The following AOPEP variants were observed in gnomAD, a reference collection of about 807,000 sequenced individuals.
AOPEP encodes the protein aminopeptidase O.
AOPEP carries 77 observed loss-of-function variants against 98.1 expected under a neutral mutation model. The ratio of observed to expected loss-of-function variants is 0.78; its 90% confidence interval spans 0.65 to 0.95. The LOEUF (loss-of-function observed/expected upper bound fraction) is 0.95, where lower values mean the gene tolerates loss of function less well. Among genes scored for constraint, AOPEP ranks in the 40% least tolerant of loss-of-function variants. The pLI is 0.00. For synonymous variants in AOPEP, 346 were observed against 365.3 expected (o/e 0.95, Z 0.60); for missense variants, 1,024 against 1,024.7 (o/e 1.00, Z 0.01).
chr9:95,049,311 T>TA (rs1386591987), intron 13 of AOPEP, among the ~76,000 whole-genome samples: 1 of 152,232 alleles, frequency 6.6e-6, no homozygotes, highest in Non-Finnish European at 1.5e-5. Context: ...GGAAATTCTG[T>TA]AAAAATGCGG....
chr9:95,102,610 C>T, the AOPEP span, among the ~76,000 whole-genome samples: 2 of 152,146 alleles, frequency 1.3e-5, no homozygotes, highest in African/African-American at 4.8e-5. Flanking sequence ...TTTAATTAGC[C>T]AGAGCAGCCC....
At chr9:95,027,591 G>C (rs933578825) in intron 13 of AOPEP, among the ~76,000 whole-genome samples, 7 of 152,174 alleles carry the variant, frequency 4.6e-5, no homozygotes, top group Non-Finnish European at 1.0e-4. Flanking sequence ...ACACACATGT[G>C]TCTGTAGAGC....
At chr9:94,737,108 G>A (rs1417070913) in intron 1 of AOPEP, among the ~76,000 whole-genome samples, 1 of 144,960 alleles carries the variant, frequency 6.9e-6, no homozygotes, top group Non-Finnish European at 1.6e-5. Context: ...CAAAAACATG[G>A]AGATTTTTTT....
chr9:94,728,271 A>C (rs964132480), intron 1 of AOPEP, among the ~76,000 whole-genome samples: 2 of 151,326 alleles, frequency 1.3e-5, no homozygotes, highest in Non-Finnish European at 1.5e-5. Flanking sequence ...ACACACACAC[A>C]CCATCCTTAT....
intron 14 of AOPEP, among the ~76,000 whole-genome samples, chr9:95,069,298 C>A (rs1192608375): frequency 6.6e-6 from 1 of 152,166 alleles, no homozygotes; most frequent in Non-Finnish European, 1.5e-5. Flanking sequence ...GGGAAGGGGA[C>A]GAGTGTCTGC....
intron 13 of AOPEP, among the ~76,000 whole-genome samples, chr9:95,035,692 A>G (rs1564552803): frequency 6.7e-6 from 1 of 149,804 alleles, no homozygotes; most frequent in African/African-American, 2.5e-5. Flanking sequence ...CTAATTTTGT[A>G]TTTTTTTTAG....
chr9:94,771,528 T>C (rs981732718), intron 2 of AOPEP, among the ~76,000 whole-genome samples: 31 of 152,218 alleles, frequency 2.0e-4, no homozygotes, highest in African/African-American at 6.5e-4. Context: ...TCTGCTCTTA[T>C]TGTGATCTTC....
Position 95,006,018 on chromosome 9 carries a change from C to G in AOPEP, c.2115+402C>G, listed in dbSNP as rs566468477. 26 of 476,040 alleles carry G rather than the reference C, an allele frequency of 5.5e-5. No individual in the cohort carries two copies. In the East Asian group the frequency reaches 1.7e-3, roughly 31 times the overall value. The allele number at this position is 476,040 out of a possible 1,614,324, so 29.5% of individuals were successfully genotyped here. A position where few individuals can be genotyped will look rare whatever the true frequency, so the allele number is the denominator to read the frequency against. On this transcript the variant is annotated intron_variant, in intron 13 of 16. Coordinates refer to ENST00000375315, the MANE Select transcript of AOPEP (RefSeq NM_001193329.3). ...CACCTAGACTTTAAATTGGAGTCAT[C>G]TAAGAAATAGAGAGAGAAGAAGAAA...
At position 94,823,652 on chromosome 9, in the gene AOPEP, G is replaced by A. The variant is rs192819461; in HGVS notation, c.1364+22650G>A. 1.6e-3 allele frequency among the ~76,000 whole-genome samples: 241 copies of A among 152,266 alleles called. 1 individual carries two copies. Among genetic ancestry groups the A allele is most frequent in the South Asian group, 3.1e-3 (15 of 4,822 alleles). On this transcript the variant is annotated intron_variant, in intron 5 of 16. Coordinates refer to ENST00000375315, the MANE Select transcript of AOPEP (RefSeq NM_001193329.3). ...GCTCTTCCCCGGGTTCCCACACCAG[G>A]CTGAGTGGAAGGAGGTGTAGATTGA...
chr9:94,849,246 T>C (rs1392285339), intron 5 of AOPEP, among the ~76,000 whole-genome samples: 1 of 152,190 alleles, frequency 6.6e-6, no homozygotes, highest in Non-Finnish European at 1.5e-5. Context: ...CAAACTTATA[T>C]TTTCATTGAA....
At chr9:94,752,028 A>T (rs1180843512) in intron 1 of AOPEP, among the ~76,000 whole-genome samples, 1 of 151,392 alleles carries the variant, frequency 6.6e-6, no homozygotes, top group East Asian at 1.9e-4. Flanking sequence ...TAGTAACTGG[A>T]CTATAGGCGT....
At chr9:95,079,898 C>T (rs1394324415) in intron 14 of AOPEP, among the ~76,000 whole-genome samples, 1 of 152,246 alleles carries the variant, frequency 6.6e-6, no homozygotes, top group Admixed American at 6.5e-5. Flanking sequence ...CTTACTCCTT[C>T]CCCAGACTCT....
chr9:94,839,813 G>A (rs1281614433), intron 5 of AOPEP, among the ~76,000 whole-genome samples: 2 of 152,026 alleles, frequency 1.3e-5, no homozygotes, highest in Non-Finnish European at 2.9e-5. Context: ...CTGTCGCTCA[G>A]GCTGGAGTGC....
chr9:94,888,620 G>A (rs2048508849), intron 5 of AOPEP, among the ~76,000 whole-genome samples: 1 of 152,182 alleles, frequency 6.6e-6, no homozygotes, highest in Non-Finnish European at 1.5e-5. Flanking sequence ...GTGGACACAA[G>A]GGTGGAGTGA....
chr9:94,833,022 G>A (rs1426338246), intron 5 of AOPEP, among the ~76,000 whole-genome samples: 3 of 150,134 alleles, frequency 2.0e-5, no homozygotes, highest in Admixed American at 6.7e-5. Flanking sequence ...TGCAGACTCC[G>A]CCTCCTGGGT....
At chr9:95,098,649 TGGA>T in the AOPEP span, among the ~76,000 whole-genome samples, 1 of 152,136 alleles carries the variant, frequency 6.6e-6, no homozygotes. Flanking sequence ...CCTGTGGGGC[TGGA>T]GGAGGGGACA....
At chr9:94,883,470 T>G (rs2047830660) in intron 5 of AOPEP, among the ~76,000 whole-genome samples, 1 of 152,202 alleles carries the variant, frequency 6.6e-6, no homozygotes, top group Admixed American at 6.5e-5. Flanking sequence ...TTTGAACAGT[T>G]GGCTGCCTGT....
chr9:94,977,058 T>C (rs2138620273), intron 10 of AOPEP, among the ~76,000 whole-genome samples: 1 of 152,288 alleles, frequency 6.6e-6, no homozygotes, highest in South Asian at 2.1e-4. Flanking sequence ...CACAGAAACG[T>C]CCCTCTCTGG....
intron 13 of AOPEP, among the ~76,000 whole-genome samples, chr9:95,047,830 T>G (rs1480600711): frequency 6.6e-6 from 1 of 152,214 alleles, no homozygotes; most frequent in Non-Finnish European, 1.5e-5. Flanking sequence ...ATACCAGTAA[T>G]TAACCATTAA....
Sources: gnomAD v4.1 joint callset for allele counts (sites outside exome capture counted in the v4.1 genomes callset) on GRCh38, gnomAD v4.1.1 for gene constraint, MANE v1.5 for transcripts, NCBI Gene and HGNC (gene_info 2026-07-23, HGNC 2026-07-21) for gene names.